The following ZBTB20 variants were observed in gnomAD, a reference collection of about 807,000 sequenced individuals.
ZBTB20 encodes the protein zinc finger and BTB domain containing 20.
In ZBTB20, 9 loss-of-function variants were observed where a neutral mutation model predicts 56.9. The ratio of observed to expected loss-of-function variants is 0.16; its 90% confidence interval spans 0.10 to 0.28. ZBTB20 has a LOEUF of 0.28. Ranked by LOEUF, ZBTB20 falls within the 10% of genes least tolerant of loss-of-function variation. ZBTB20 has a pLI of 1.00. For synonymous variants in ZBTB20, 417 were observed against 420.7 expected, an observed-to-expected ratio of 0.99 and a Z score of 0.11; for missense variants, 655 against 1,003.0, an observed-to-expected ratio of 0.65 and a Z score of 4.69.
chr3:115,080,152 A>AC (rs757197932), intron 1 of ZBTB20, among the ~76,000 whole-genome samples: 1 of 152,092 alleles, frequency 6.6e-6, no homozygotes, highest in South Asian at 2.1e-4. Flanking sequence ...TATAAAAGAG[A>AC]CCCCCAAGAG....
At chr3:114,727,957 G>C (rs1302537465) in intron 5 of ZBTB20, among the ~76,000 whole-genome samples, 1 of 151,992 alleles carries the variant, frequency 6.6e-6, no homozygotes, top group African/African-American at 2.4e-5. Flanking sequence ...TTTGAGAACA[G>C]ACAGCAGCCC....
At chr3:114,521,154 A>C (rs1021648714) in intron 6 of ZBTB20, among the ~76,000 whole-genome samples, 4 of 152,180 alleles carry the variant, frequency 2.6e-5, no homozygotes, top group African/African-American at 9.6e-5. Flanking sequence ...TTTTGCATAA[A>C]ATAAGAAAAA....
intron 7 of ZBTB20, among the ~76,000 whole-genome samples, chr3:114,496,947 C>T (rs947847662): frequency 3.3e-5 from 5 of 152,162 alleles, no homozygotes; most frequent in African/African-American, 7.2e-5. Context: ...GTAGGAGGCA[C>T]GCGAGCCTGG....
At chr3:115,038,609 T>A (rs1347273372) in intron 2 of ZBTB20, among the ~76,000 whole-genome samples, 1 of 152,116 alleles carries the variant, frequency 6.6e-6, no homozygotes, top group Non-Finnish European at 1.5e-5. Context: ...TGAATTTTTA[T>A]TATAAAACTG....
intron 5 of ZBTB20, among the ~76,000 whole-genome samples, chr3:114,761,059 G>C (rs1038795680): frequency 6.6e-6 from 1 of 152,000 alleles, no homozygotes; most frequent in Non-Finnish European, 1.5e-5. Context: ...CAGAATTCTT[G>C]GTGTTATTTA....
intron 7 of ZBTB20, among the ~76,000 whole-genome samples, chr3:114,441,537 C>T (rs1434925339): frequency 6.6e-6 from 1 of 152,112 alleles, no homozygotes; most frequent in East Asian, 1.9e-4. Flanking sequence ...CCGTCAGAAC[C>T]TTGGCTGGCT....
chr3:114,833,696 ATTTT>A (rs60104867), intron 4 of ZBTB20, among the ~76,000 whole-genome samples: 2,247 of 125,224 alleles, frequency 0.018, 40 homozygotes, highest in African/African-American at 0.048. Flanking sequence ...CACCTAGCTA[ATTTT>A]TTTTTTTTTT....
rs1234853342 is a variant in ZBTB20, at chr3:114,720,241, ATTATCT to A, written c.-342-26672_-342-26667del. ...AGTACAAGTACAAGGTGTAGTCTCTATTATCTAAATATATTATTTAAATATATATCT... is the reference window on the plus strand; with the variant it reads ...AGTACAAGTACAAGGTGTAGTCTCTAAAATATATTATTTAAATATATATCT... On this transcript the variant is annotated intron_variant, in intron 5 of 11. Coordinates refer to ENST00000675478, the MANE Select transcript of ZBTB20 (RefSeq NM_001348800.3). 5.4e-5 allele frequency among the ~76,000 whole-genome samples: 8 copies of A among 149,388 alleles called. No homozygotes were observed. The East Asian group carries it at 1.6e-3, about 29-fold the overall frequency.
chr3:114,375,384 A>C (rs1407009644), intron 10 of ZBTB20, among the ~76,000 whole-genome samples: 1 of 152,246 alleles, frequency 6.6e-6, no homozygotes, highest in East Asian at 1.9e-4. Context: ...TTAAATGTAA[A>C]GGAAGAAAAA....
chr3:114,852,697 T>G (rs1356590021), intron 4 of ZBTB20, among the ~76,000 whole-genome samples: 1 of 152,232 alleles, frequency 6.6e-6, no homozygotes, highest in African/African-American at 2.4e-5. Flanking sequence ...GCTTTTGTTT[T>G]TGTTTAAAGC....
intron 6 of ZBTB20, among the ~76,000 whole-genome samples, chr3:114,555,510 C>T (rs1288932145): frequency 1.3e-5 from 2 of 152,104 alleles, no homozygotes; most frequent in African/African-American, 4.8e-5. Flanking sequence ...ACCTGAATCT[C>T]ACTAGTTCAC....
At chr3:114,431,966 T>C (rs2090154380) in intron 7 of ZBTB20, among the ~76,000 whole-genome samples, 1 of 152,166 alleles carries the variant, frequency 6.6e-6, no homozygotes, top group Non-Finnish European at 1.5e-5. Context: ...TCTCTAGTCA[T>C]CTTTTACCAC....
chr3:114,641,026 T>A (rs1211218653), intron 6 of ZBTB20, among the ~76,000 whole-genome samples: 1 of 152,092 alleles, frequency 6.6e-6, no homozygotes, highest in African/African-American at 2.4e-5. Context: ...CAAATTTAAA[T>A]AATTTCTGTG....
chr3:115,102,172 A>G (rs957143092), intron 1 of ZBTB20, among the ~76,000 whole-genome samples: 1 of 152,178 alleles, frequency 6.6e-6, no homozygotes, highest in Non-Finnish European at 1.5e-5. Flanking sequence ...TAATCCACCA[A>G]TTCAACCTCT....
At chr3:114,968,708 GATAA>G (rs1340399371) in intron 3 of ZBTB20, among the ~76,000 whole-genome samples, 3 of 152,104 alleles carry the variant, frequency 2.0e-5, no homozygotes, top group Non-Finnish European at 4.4e-5. Context: ...CTGGGCTATT[GATAA>G]ATAATCATCA....
rs1158212643 is a variant in ZBTB20, at chr3:114,562,567, A to G, written c.-294-62176T>C. On this transcript the variant is annotated intron_variant, in intron 6 of 11. Transcript: ENST00000675478. ...TAGAGTAGCACTTTTAATTTCCTTA[A>G]AGAACATTTTCTTTGCATTTACAAC... is the stretch of plus-strand genomic sequence containing the variant. 2.0e-5 allele frequency among the ~76,000 whole-genome samples: 3 copies of G among 152,278 alleles called. No individual in the cohort carries two copies. In the East Asian group the frequency reaches 5.8e-4, roughly 29 times the overall value.
intron 2 of ZBTB20, among the ~76,000 whole-genome samples, chr3:115,001,867 AAAGT>A (rs1448647858): frequency 6.6e-6 from 1 of 151,384 alleles, no homozygotes; most frequent in Admixed American, 6.6e-5. Flanking sequence ...AAAATCCCAC[AAAGT>A]TATTTTGTGG....
At chr3:115,055,830 C>A (rs1268636308) in intron 2 of ZBTB20, among the ~76,000 whole-genome samples, 2 of 151,894 alleles carry the variant, frequency 1.3e-5, no homozygotes, top group Non-Finnish European at 2.9e-5. Context: ...AAAATAAATA[C>A]AGATAATTGA....
At chr3:114,565,670 A>G (rs893918421) in intron 6 of ZBTB20, among the ~76,000 whole-genome samples, 4 of 152,236 alleles carry the variant, frequency 2.6e-5, no homozygotes, top group Non-Finnish European at 5.9e-5. Context: ...TGTAGGTATC[A>G]TGCAATTTCT....
Sources: gnomAD v4.1 joint callset for allele counts (sites outside exome capture counted in the v4.1 genomes callset) on GRCh38, gnomAD v4.1.1 for gene constraint, MANE v1.5 for transcripts, NCBI Gene and HGNC (gene_info 2026-07-23, HGNC 2026-07-21) for gene names.